The following PPM1B variants were observed in gnomAD, a reference collection of about 807,000 sequenced individuals.
PPM1B encodes the protein protein phosphatase, Mg2+/Mn2+ dependent 1B.
PPM1B carries 22 observed loss-of-function variants against 43.0 expected under a neutral mutation model. That is an observed-to-expected ratio of 0.51 (90% confidence interval 0.37 to 0.73). The LOEUF is 0.73. PPM1B is among the 30% of genes least tolerant of loss of function. The pLI, the probability that PPM1B is intolerant of heterozygous loss-of-function variation, is 0.00. For synonymous variants in PPM1B, 217 were observed against 197.9 expected (o/e 1.10, Z -0.81); for missense variants, 632 against 584.2 (o/e 1.08, Z -0.84).
At position 44,209,321 on chromosome 2, in the gene PPM1B, G is replaced by A. The variant is rs750758154; in HGVS notation, c.958G>A (p.Val320Ile). The change falls in exon 3 of 6, where the codon GTT becomes ATT. Residue 320 changes from valine (V) to isoleucine (I), a missense_variant. Around this residue, in one of 3 missense-constraint regions of PPM1B, gnomAD observed 392 missense variants for 302.7 expected, o/e 1.29. Transcript: ENST00000282412. ...SELDKHLESR[V>I]EEIMEKSGEE... The stretch of plus-strand genomic sequence containing the variant: ...GTTGGATAAGCACTTGGAATCACGG[G>A]TTGAAGGTAAGACAAATGCTTTTTA... 35 of 1,613,722 alleles carry A rather than the reference G, an allele frequency of 2.2e-5. No homozygotes were observed. The highest frequency in any genetic ancestry group is 3.3e-5 in the South Asian group (3 of 91,080).
downstream of PPM1B, chr2:44,234,694 A>G: frequency 1.3e-6 from 1 of 797,858 alleles, no homozygotes; most frequent in Non-Finnish European, 1.5e-6. Context: ...GGACCCACTT[A>G]TACTCTTACA....
intron 1 of PPM1B, among the ~76,000 whole-genome samples, chr2:44,174,206 T>C (rs1486948087): frequency 6.6e-6 from 1 of 152,232 alleles, no homozygotes; most frequent in African/African-American, 2.4e-5. Flanking sequence ...TTTAAATTGA[T>C]TCATTTCTTG....
chr2:44,218,145 AAAC>A, intron 4 of PPM1B, 67 bp downstream of exon 4: 1 of 1,206,176 alleles, frequency 8.3e-7, no homozygotes, highest in Non-Finnish European at 1.2e-6. Flanking sequence ...TGGGGTAAAA[AAAC>A]TTAAATCAGA....
At chr2:44,212,608 C>T (rs1269414894) in intron 3 of PPM1B, among the ~76,000 whole-genome samples, 1 of 152,152 alleles carries the variant, frequency 6.6e-6, no homozygotes, top group Non-Finnish European at 1.5e-5. Context: ...TTTAAATCTG[C>T]CGTCTTTCGT....
intron 5 of PPM1B, among the ~76,000 whole-genome samples, chr2:44,221,960 C>G (rs939082404): frequency 6.6e-6 from 1 of 152,040 alleles, no homozygotes; most frequent in African/African-American, 2.4e-5. Flanking sequence ...TTACCACAAA[C>G]AATATTGATA....
intron 3 of PPM1B, among the ~76,000 whole-genome samples, chr2:44,216,212 T>C (rs1669710546): frequency 6.6e-6 from 1 of 152,118 alleles, no homozygotes; most frequent in Non-Finnish European, 1.5e-5. Flanking sequence ...CATTAATGCA[T>C]GGTAGTGGTA....
At chr2:44,240,701 A>C (rs1422144257) in intron 5 of PPM1B, among the ~76,000 whole-genome samples, 2 of 146,036 alleles carry the variant, frequency 1.4e-5, no homozygotes, top group African/African-American at 4.9e-5. Flanking sequence ...TTCCTGATTT[A>C]AGGCAGATGT....
In PPM1B at chr2:44,196,809, G is replaced by A. The variant is rs866140264; in HGVS notation, c.-14-4377G>A. 1.1e-4 allele frequency among the ~76,000 whole-genome samples: 16 copies of A among 152,280 alleles called. No homozygotes were observed. The South Asian group carries it at 1.2e-3, about 12-fold the overall frequency. On this transcript the variant is annotated intron_variant, in intron 1 of 5. Transcript: ENST00000282412. ...GAAAATGATCTGTCATAGACCAAGA[G>A]TGGTTATAACATCTCAGAAATAGAA...
chr2:44,195,626 A>G (rs996831123), intron 1 of PPM1B, among the ~76,000 whole-genome samples: 2 of 152,166 alleles, frequency 1.3e-5, no homozygotes, highest in Non-Finnish European at 1.5e-5. Flanking sequence ...GCAGTGGGCT[A>G]TGATTGTACC....
At chr2:44,231,484 C>A, downstream of PPM1B, 13 of 960,210 alleles carry the variant, frequency 1.4e-5, no homozygotes, top group African/African-American at 1.8e-5. Flanking sequence ...GCATGTTGTA[C>A]TTATTTTTGA....
chr2:44,198,365 T>C (rs1024753312), intron 1 of PPM1B, among the ~76,000 whole-genome samples: 11 of 152,162 alleles, frequency 7.2e-5, no homozygotes, highest in Non-Finnish European at 1.3e-4. Context: ...TTCACCATGT[T>C]GACCAGGCTG....
chr2:44,224,955 A>G (rs1670146738), intron 5 of PPM1B, among the ~76,000 whole-genome samples: 1 of 152,170 alleles, frequency 6.6e-6, no homozygotes, highest in Non-Finnish European at 1.5e-5. Context: ...TCCTATGCAA[A>G]AAAGGTCACT....
chr2:44,207,964 C>G (rs1669271379), intron 2 of PPM1B, among the ~76,000 whole-genome samples: 1 of 146,874 alleles, frequency 6.8e-6, no homozygotes, highest in Non-Finnish European at 1.5e-5. Context: ...TCTCAGCTCA[C>G]TGCAACCTCC....
In PPM1B at chr2:44,201,182, TCAGA is replaced by T; in HGVS notation, c.-14-3_-14del. The T allele has an allele frequency of 6.4e-7, 1 of 1,565,356 alleles. No homozygotes were observed. The highest frequency in any genetic ancestry group is 1.9e-5 in the Admixed American group (1 of 53,050). ...ACATTTAACACCTGCATTTTTTATT[TCAGA>T]TTTATTGCTAAACATGGGTGCATTT... On this transcript the variant is annotated splice_acceptor_variant and splice_polypyrimidine_tract_variant and 5_prime_UTR_variant and intron_variant, in exon 2 of 6. Coordinates refer to ENST00000282412, the MANE Select transcript of PPM1B (RefSeq NM_002706.6). LOFTEE classifies it low-confidence loss of function (5UTR_SPLICE). This position sits in a 1 kb window ranked among gnomAD's most constrained non-coding sequence, Gnocchi z 5.4.
At chr2:44,179,732 G>C (rs1318559685) in intron 1 of PPM1B, among the ~76,000 whole-genome samples, 1 of 152,080 alleles carries the variant, frequency 6.6e-6, no homozygotes, top group Non-Finnish European at 1.5e-5. Context: ...AACCTGGCCG[G>C]GCATGGTGGC....
chr2:44,230,148 C>A, intron 5 of PPM1B: 1 of 1,438,264 alleles, frequency 7.0e-7, no homozygotes, highest in Non-Finnish European at 9.1e-7. Flanking sequence ...ATTATAAAAG[C>A]TGAGTAAATT....
chr2:44,205,640 A>G (rs1259331605), intron 2 of PPM1B, among the ~76,000 whole-genome samples: 1 of 152,126 alleles, frequency 6.6e-6, no homozygotes, highest in Non-Finnish European at 1.5e-5. Context: ...ATTTTATAGA[A>G]AAAGATCATG....
At chr2:44,239,179 CAAAA>C (rs1193340508), downstream of PPM1B, among the ~76,000 whole-genome samples, 153 of 89,626 alleles carry the variant, frequency 1.7e-3, no homozygotes, top group African/African-American at 4.8e-3. Context: ...GTCTCTAATA[CAAAA>C]AAAAAAAAAA....
chr2:44,211,200 A>G (rs1230408950), intron 3 of PPM1B, among the ~76,000 whole-genome samples: 1 of 152,188 alleles, frequency 6.6e-6, no homozygotes, highest in African/African-American at 2.4e-5. Flanking sequence ...GATCCCATTT[A>G]AATTTCCCTA....
Sources: gnomAD v4.1 joint callset for allele counts (sites outside exome capture counted in the v4.1 genomes callset) on GRCh38, gnomAD v4.1.1 for gene constraint, gnomAD v4.1.1 regional missense constraint, Gnocchi (gnomAD v3.1) non-coding constraint, MANE v1.5 for transcripts, NCBI Gene and HGNC (gene_info 2026-07-23, HGNC 2026-07-21) for gene names.